Variants in PRKAR1A observed in about 807,000 individuals in gnomAD.
The protein encoded by PRKAR1A is cAMP-dependent protein kinase type I-alpha regulatory subunit.
In PRKAR1A, 3 loss-of-function variants were observed where a neutral mutation model predicts 52.0. The ratio of observed to expected loss-of-function variants is 0.06; its 90% CI spans 0.03 to 0.15. The LOEUF (loss-of-function observed/expected upper bound fraction) is 0.15, where lower values mean the gene tolerates loss of function less well. PRKAR1A is among the 10% of genes least tolerant of loss of function. The pLI is 1.00. For synonymous variants in PRKAR1A, 188 were observed against 168.4 expected (o/e 1.12, Z -0.90); for missense variants, 240 against 477.4 (o/e 0.50, Z 4.63).
At chr17:68,478,801 C>A in the PRKAR1A span, among the ~76,000 whole-genome samples, 1 of 151,558 alleles carries the variant, frequency 6.6e-6, no homozygotes, top group Non-Finnish European at 1.5e-5. Context: ...GATCTCGGCT[C>A]ACTGCAACCT....
the PRKAR1A span, among the ~76,000 whole-genome samples, chr17:68,500,812 C>T: frequency 5.3e-5 from 8 of 152,138 alleles, no homozygotes; most frequent in South Asian, 2.1e-4. Context: ...CCACGGCGCC[C>T]GGCCTCAGGT....
chr17:68,540,770 GT>G, intron 11 of PRKAR1A: 1 of 1,529,242 alleles, frequency 6.5e-7, no homozygotes, highest in Non-Finnish European at 8.8e-7. Context: ...CAGGTTGTAA[GT>G]TTGTGCTCAA....
At chr17:68,526,023 CTTTCTTTTAATAAGCGAATATT>C (rs1292743424) in intron 7 of PRKAR1A, 111 bp downstream of exon 7, 1 of 1,352,524 alleles carries the variant, frequency 7.4e-7, no homozygotes, top group Non-Finnish European at 1.0e-6. Context: ...GCAAATATTT[CTTTCTTTTAATAAGCGAATATT>C]TTTCTTTTAA....
the PRKAR1A span, among the ~76,000 whole-genome samples, chr17:68,468,115 G>A: frequency 6.6e-6 from 1 of 152,138 alleles, no homozygotes; most frequent in Non-Finnish European, 1.5e-5. Flanking sequence ...TGTCACCCAG[G>A]CTGTGATGGA....
At chr17:68,512,128 C>G (rs2085276869), upstream of PRKAR1A, 1 of 153,794 alleles carries the variant, frequency 6.5e-6, no homozygotes. Context: ...ACCCAAGACA[C>G]CCAGAGAGGG....
At chr17:68,420,439 T>C in the PRKAR1A span, 1 of 1,614,018 alleles carries the variant, frequency 6.2e-7, no homozygotes, top group Non-Finnish European at 8.5e-7. Context: ...CCTACCAAAT[T>C]GCCTGCCGCT....
chr17:68,537,786 AAAT>A (rs1568716034), downstream of PRKAR1A: 3 of 1,575,694 alleles, frequency 1.9e-6, no homozygotes, highest in South Asian at 3.5e-5. The surrounding 1 kb of genome is among the most constrained non-coding windows in gnomAD (Gnocchi z 4.2). Context: ...AATGTAAAGA[AAAT>A]AACTTGCCTG....
the PRKAR1A span, among the ~76,000 whole-genome samples, chr17:68,445,572 C>T: frequency 6.6e-6 from 1 of 152,236 alleles, no homozygotes; most frequent in Non-Finnish European, 1.5e-5. Flanking sequence ...CTCTCTGGTG[C>T]TTGCTCTCCC....
At chr17:68,547,043 G>C (rs1302481555) in intron 11 of PRKAR1A, among the ~76,000 whole-genome samples, 1 of 151,850 alleles carries the variant, frequency 6.6e-6, no homozygotes, top group African/African-American at 2.4e-5. Context: ...GAGCAGTAAG[G>C]TCTCAACAGT....
the PRKAR1A span, among the ~76,000 whole-genome samples, chr17:68,438,420 G>A: frequency 6.6e-6 from 1 of 152,320 alleles, no homozygotes; most frequent in African/African-American, 2.4e-5. Flanking sequence ...TTCTAGTCTT[G>A]TGAAACTGGG....
chr17:68,474,975 T>A, the PRKAR1A span, among the ~76,000 whole-genome samples: 9 of 152,260 alleles, frequency 5.9e-5, no homozygotes, highest in Non-Finnish European at 8.8e-5. Flanking sequence ...AATGTCTTTT[T>A]AAGTTCTAAA....
chr17:68,511,877 A>G (rs1019869562), upstream of PRKAR1A: 1 of 150,310 alleles, frequency 6.7e-6, no homozygotes, highest in East Asian at 2.0e-4. Flanking sequence ...CAGCGACAGG[A>G]CTCTCCCCGC....
At chr17:68,546,193 A>G (rs1600542322) in intron 11 of PRKAR1A, among the ~76,000 whole-genome samples, 1 of 147,686 alleles carries the variant, frequency 6.8e-6, no homozygotes, top group African/African-American at 2.6e-5. Context: ...AAAAAAAAAA[A>G]AAGCAGCAAC....
chr17:68,421,845 C>T, the PRKAR1A span: 1 of 1,614,108 alleles, frequency 6.2e-7, no homozygotes, highest in Admixed American at 1.7e-5. Context: ...ACAGAATGGC[C>T]TTACTCTTCT....
chr17:68,486,506 CTTCTTTCTTTCTTTCTTTCTTTCTTTCT>C, the PRKAR1A span, among the ~76,000 whole-genome samples: 1 of 48,200 alleles, frequency 2.1e-5, no homozygotes, highest in Admixed American at 2.4e-4. Flanking sequence ...TCCTTCCTTC[CTTCTTTCTTTCTTTCTTTCTTTCTTTCT>C]TTCTTTCTTT....
At chr17:68,546,371 C>G (rs2086566863) in intron 11 of PRKAR1A, among the ~76,000 whole-genome samples, 1 of 151,938 alleles carries the variant, frequency 6.6e-6, no homozygotes, top group African/African-American at 2.4e-5. Flanking sequence ...TTCTTTTAAA[C>G]TCCTGTTAAT....
the PRKAR1A span, among the ~76,000 whole-genome samples, chr17:68,454,064 T>TA: frequency 6.6e-6 from 1 of 152,064 alleles, no homozygotes; most frequent in Non-Finnish European, 1.5e-5. Flanking sequence ...AAGTGCCTCT[T>TA]AAAAAAAATC....
upstream of PRKAR1A, among the ~76,000 whole-genome samples, chr17:68,509,715 T>G (rs4968898): frequency 0.19 from 28,203 of 152,178 alleles, 3,175 homozygotes; most frequent in East Asian, 0.48. Flanking sequence ...TGGAAAGCAC[T>G]GAGGCTATTT....
chr17:68,493,907 A>G, the PRKAR1A span, among the ~76,000 whole-genome samples: 1 of 152,102 alleles, frequency 6.6e-6, no homozygotes, highest in East Asian at 1.9e-4. Context: ...CGCAAATTTA[A>G]TAGTATCTAT....
Sources: allele counts gnomAD v4.1 joint callset (sites outside exome capture counted in the v4.1 genomes callset), GRCh38; gene constraint gnomAD v4.1.1; non-coding constraint Gnocchi (gnomAD v3.1); transcripts MANE v1.5; gene names NCBI Gene and HGNC (gene_info 2026-07-23, HGNC 2026-07-21).